Variants in PBX1 observed in about 807,000 individuals in gnomAD.
The protein encoded by PBX1 is pre-B-cell leukemia transcription factor 1.
Under a neutral mutation model 53.4 loss-of-function variants are expected in PBX1, and 6 were observed. The ratio of observed to expected loss-of-function variants is 0.11; its 90% CI spans 0.06 to 0.22. PBX1 has a LOEUF of 0.22. Among genes scored for constraint, PBX1 ranks in the 10% least tolerant of loss-of-function variants. PBX1 has a pLI of 1.00. For missense variants in PBX1, 251 were observed against 551.4 expected (o/e 0.46, Z 5.46); for synonymous variants, 204 against 212.3 (o/e 0.96, Z 0.34).
intron 6 of PBX1, 115 bp from the exon 7 acceptor site, chr1:164,819,957 T>C (rs1436836224): frequency 1.6e-6 from 1 of 642,826 alleles, no homozygotes; most frequent in Non-Finnish European, 2.8e-6. Context: ...TATTTTTATT[T>C]TAGTTTTTAT....
chr1:164,691,392 A>G (rs965364205), intron 2 of PBX1, among the ~76,000 whole-genome samples: 10 of 152,272 alleles, frequency 6.6e-5, no homozygotes, highest in East Asian at 3.9e-4. Context: ...ACATAATACA[A>G]ATCACACTAG....
chr1:164,692,659 G>A (rs1005397438), intron 2 of PBX1, among the ~76,000 whole-genome samples: 9 of 152,280 alleles, frequency 5.9e-5, no homozygotes, highest in African/African-American at 1.7e-4. Context: ...GTGGGGAATA[G>A]GGTTAACAGG....
chr1:164,866,726 T>C (rs1387619090), intron 2 of PBX1, among the ~76,000 whole-genome samples: 1 of 152,230 alleles, frequency 6.6e-6, no homozygotes, highest in African/African-American at 2.4e-5. Context: ...ATCTGTGTAC[T>C]TCAATGTTCC....
At chr1:164,674,847 G>GCGCC (rs1661329304) in intron 2 of PBX1, 5 of 40,712 alleles carry the variant, frequency 1.2e-4, no homozygotes, top group African/African-American at 3.2e-4. Context: ...AGAAATCACA[G>GCGCC]CCCCCCCCCC....
chr1:164,635,328 A>AG (rs1003117240), intron 2 of PBX1, among the ~76,000 whole-genome samples: 1 of 146,766 alleles, frequency 6.8e-6, no homozygotes, highest in Non-Finnish European at 1.5e-5. Context: ...GTGGGGGGCG[A>AG]GGGGGGAGGG....
chr1:164,630,797 T>C (rs1212063653), intron 2 of PBX1, among the ~76,000 whole-genome samples: 1 of 152,208 alleles, frequency 6.6e-6, no homozygotes, highest in Non-Finnish European at 1.5e-5. Context: ...TCTTGTGCAA[T>C]CTTTGGATCT....
chr1:164,654,562 A>G (rs1394765510), intron 2 of PBX1, among the ~76,000 whole-genome samples: 1 of 152,234 alleles, frequency 6.6e-6, no homozygotes, highest in Admixed American at 6.5e-5. Flanking sequence ...TGGAATTTAA[A>G]TTCTTTCCTT....
chr1:164,669,570 A>G (rs562199065), intron 2 of PBX1, among the ~76,000 whole-genome samples: 10 of 152,242 alleles, frequency 6.6e-5, no homozygotes, highest in East Asian at 3.9e-4. Flanking sequence ...TCTAGCTCCA[A>G]TAGTCCTCTC....
intron 2 of PBX1, among the ~76,000 whole-genome samples, chr1:164,574,858 T>C (rs1654111320): frequency 1.3e-5 from 2 of 152,146 alleles, no homozygotes; most frequent in African/African-American, 2.4e-5. Flanking sequence ...GGTGGGCACC[T>C]GTAACCCCAA....
chr1:164,613,229 A>G (rs1657051395), intron 2 of PBX1, among the ~76,000 whole-genome samples: 1 of 152,184 alleles, frequency 6.6e-6, no homozygotes, highest in Admixed American at 6.5e-5. Context: ...TGTGAGCTAT[A>G]GTGTTTTGTT....
chr1:164,695,015 G>A (rs1360868653), intron 2 of PBX1, among the ~76,000 whole-genome samples: 1 of 152,124 alleles, frequency 6.6e-6, no homozygotes, highest in Admixed American at 6.6e-5. Flanking sequence ...AAAATTCTTT[G>A]ATGGAGGTCC....
intron 8 of PBX1, among the ~76,000 whole-genome samples, chr1:164,839,086 G>A (rs1465925296): frequency 6.6e-6 from 1 of 152,108 alleles, no homozygotes; most frequent in Non-Finnish European, 1.5e-5. Flanking sequence ...GAGTCCCTTG[G>A]AGACTCTGGA....
intron 3 of PBX1, 41 bp downstream of exon 3, chr1:164,792,779 G>A (rs748819934): frequency 1.4e-6 from 2 of 1,469,952 alleles, no homozygotes; most frequent in South Asian, 1.3e-5. Context: ...AGGCCCTTTA[G>A]GAAAGGGTGG....
At chr1:164,852,425 G>A (rs1337173995), downstream of PBX1, among the ~76,000 whole-genome samples, 1 of 152,146 alleles carries the variant, frequency 6.6e-6, no homozygotes, top group South Asian at 2.1e-4. Flanking sequence ...TTGAGGTTTC[G>A]AAGTGTTACA....
At chr1:164,871,247 G>T (rs1672375658) in intron 2 of PBX1, among the ~76,000 whole-genome samples, 1 of 152,222 alleles carries the variant, frequency 6.6e-6, no homozygotes, top group African/African-American at 2.4e-5. Context: ...CACAGTGTGT[G>T]CTGCAGGGGC....
intron 2 of PBX1, among the ~76,000 whole-genome samples, chr1:164,765,395 GA>G (rs1667012275): frequency 6.6e-6 from 1 of 152,146 alleles, no homozygotes. Context: ...ATTTGTTTTG[GA>G]AACTTGGAAC....
intron 2 of PBX1, among the ~76,000 whole-genome samples, chr1:164,636,149 T>C (rs1255245180): frequency 7.3e-6 from 1 of 137,012 alleles, no homozygotes; most frequent in African/African-American, 2.6e-5. Context: ...CATCTTTCTC[T>C]CTCTCTCTTT....
At chr1:164,883,683 T>C (rs1384715689) in intron 2 of PBX1, among the ~76,000 whole-genome samples, 2 of 152,190 alleles carry the variant, frequency 1.3e-5, no homozygotes, top group Non-Finnish European at 2.9e-5. Context: ...TCTTTCTCTC[T>C]TCTTTATCCC....
chr1:164,865,036 C>T (rs150423433), intron 2 of PBX1, among the ~76,000 whole-genome samples: 1 of 152,362 alleles, frequency 6.6e-6, no homozygotes, highest in East Asian at 1.9e-4. Flanking sequence ...CAGACAGTGA[C>T]AGTCACCATG....
Sources: gnomAD v4.1 joint callset for allele counts (sites outside exome capture counted in the v4.1 genomes callset) on GRCh38, gnomAD v4.1.1 for gene constraint, MANE v1.5 for transcripts, NCBI Gene and HGNC (gene_info 2026-07-23, HGNC 2026-07-21) for gene names.